DPH6: variants seen among roughly 807,000 people sequenced by gnomAD.
DPH6 encodes the protein diphthamine biosynthesis 6.
In DPH6, 33 loss-of-function variants were observed where a neutral mutation model predicts 38.2. The observed-to-expected ratio is 0.86, with a 90% CI of 0.65 to 1.15. The LOEUF (loss-of-function observed/expected upper bound fraction) is 1.15. DPH6 is among the 50% of genes most tolerant of loss of function. DPH6 has a pLI of 0.00. For synonymous variants in DPH6, 108 were observed against 103.0 expected (o/e 1.05, Z -0.30); for missense variants, 325 against 320.0 (o/e 1.02, Z -0.12).
At chr15:35,523,360 G>A (rs922528896) in intron 3 of DPH6, among the ~76,000 whole-genome samples, 1 of 148,994 alleles carries the variant, frequency 6.7e-6, no homozygotes, top group African/African-American at 2.5e-5. Context: ...AAAAATTAGT[G>A]AGGAATTCCC....
chr15:35,434,276 T>G (rs2053668389), intron 5 of DPH6, among the ~76,000 whole-genome samples: 3 of 152,314 alleles, frequency 2.0e-5, no homozygotes, highest in East Asian at 1.9e-4. Flanking sequence ...AAAAAGGGAC[T>G]ATTACAACTT....
chr15:35,232,150 T>G (rs989857248), intron 3 of DPH6, among the ~76,000 whole-genome samples: 2 of 152,160 alleles, frequency 1.3e-5, no homozygotes, highest in Admixed American at 1.3e-4. Flanking sequence ...CAAGGCTCAA[T>G]GTATTGGCTC....
chr15:35,166,662 T>C, the DPH6 span, among the ~76,000 whole-genome samples: 1 of 151,992 alleles, frequency 6.6e-6, no homozygotes, highest in Non-Finnish European at 1.5e-5. Flanking sequence ...ATTAGTGTAG[T>C]AAGAATGCAA....
chr15:35,516,528 C>A (rs984688494), intron 3 of DPH6, among the ~76,000 whole-genome samples: 3 of 152,098 alleles, frequency 2.0e-5, no homozygotes, highest in Non-Finnish European at 4.4e-5. Flanking sequence ...GCAGTGGAAC[C>A]TAGAACAAAG....
In DPH6 at chr15:35,305,028, TC is replaced by T. The variant is rs375322573; in HGVS notation, n.200+68492del. Among the ~76,000 whole-genome samples, 127 of 152,242 alleles carry T rather than the reference TC, an allele frequency of 8.3e-4. 1 individual carries two copies. The highest frequency in any genetic ancestry group is 8.1e-3 in the South Asian group (39 of 4,824). On this transcript the variant is annotated intron_variant and non_coding_transcript_variant, in intron 3 of 3. Transcript: ENST00000560386. ...CATCTTCACATGACAGCAAGGGAGA[TC>T]TCCTTGTATGGTATGGTGAATACAA... is the stretch of plus-strand genomic sequence containing the variant.
intron 3 of DPH6, among the ~76,000 whole-genome samples, chr15:35,258,716 A>G (rs144980201): frequency 3.2e-4 from 49 of 152,220 alleles, no homozygotes; most frequent in South Asian, 1.5e-3. Flanking sequence ...TTGAACATTT[A>G]TCCTTTATAA....
intron 3 of DPH6, among the ~76,000 whole-genome samples, chr15:35,297,616 A>G (rs1167207360): frequency 2.0e-5 from 3 of 151,746 alleles, no homozygotes; most frequent in African/African-American, 4.8e-5. Context: ...TCACTTCTCT[A>G]TCTTTTCTCT....
intron 3 of DPH6, among the ~76,000 whole-genome samples, chr15:35,468,805 T>C (rs1470003328): frequency 3.3e-5 from 5 of 152,118 alleles, no homozygotes; most frequent in African/African-American, 9.7e-5. Flanking sequence ...CGGTGGCTCA[T>C]GCCAGTAATC....
chr15:35,322,028 G>T (rs576750626), intron 3 of DPH6, among the ~76,000 whole-genome samples: 54 of 152,274 alleles, frequency 3.5e-4, no homozygotes, highest in African/African-American at 1.3e-3. Flanking sequence ...TCACAAGGGT[G>T]TAGAAAATAG....
At chr15:35,216,808 A>T (rs2051412750), downstream of DPH6, among the ~76,000 whole-genome samples, 1 of 152,224 alleles carries the variant, frequency 6.6e-6, no homozygotes, top group Non-Finnish European at 1.5e-5. Flanking sequence ...GATCAATCAA[A>T]AAACAAGTTG....
chr15:35,168,643 C>A, the DPH6 span, among the ~76,000 whole-genome samples: 2 of 151,918 alleles, frequency 1.3e-5, no homozygotes, highest in Admixed American at 6.6e-5. Context: ...CCTCTTCCCC[C>A]GAAAACTGCA....
intron 3 of DPH6, among the ~76,000 whole-genome samples, chr15:35,309,674 G>T (rs568261336): frequency 7.4e-4 from 112 of 152,280 alleles, no homozygotes; most frequent in African/African-American, 2.7e-3. Flanking sequence ...TCATTTCTTT[G>T]ATGAAATTTC....
intron 5 of DPH6, among the ~76,000 whole-genome samples, chr15:35,448,059 G>A (rs1396047017): frequency 6.6e-6 from 1 of 151,832 alleles, no homozygotes; most frequent in Non-Finnish European, 1.5e-5. Flanking sequence ...CCAGTAATAG[G>A]TAAAAGTGGT....
chr15:35,322,532 T>C (rs1380111350), intron 3 of DPH6, among the ~76,000 whole-genome samples: 1 of 152,210 alleles, frequency 6.6e-6, no homozygotes, highest in Non-Finnish European at 1.5e-5. Flanking sequence ...TTTTTGGTCA[T>C]GTCATATCTA....
At chr15:35,310,177 G>A (rs1319439226) in intron 3 of DPH6, among the ~76,000 whole-genome samples, 1 of 152,100 alleles carries the variant, frequency 6.6e-6, no homozygotes, top group African/African-American at 2.4e-5. Flanking sequence ...GAACGAGAAT[G>A]GATATTCTTT....
intron 3 of DPH6, among the ~76,000 whole-genome samples, chr15:35,524,982 G>A (rs2054976767): frequency 6.6e-6 from 1 of 152,058 alleles, no homozygotes; most frequent in Admixed American, 6.6e-5. Flanking sequence ...ATCATCTCTG[G>A]AGGAAATACA....
chr15:35,521,199 A>G, intron 3 of DPH6: 1 of 985,348 alleles, frequency 1.0e-6, no homozygotes, highest in Non-Finnish European at 1.2e-6. Context: ...TAAATTATTA[A>G]TTTATGGGTT....
At chr15:35,421,937 T>C (rs1483078207) in intron 5 of DPH6, among the ~76,000 whole-genome samples, 1 of 151,958 alleles carries the variant, frequency 6.6e-6, no homozygotes, top group African/African-American at 2.4e-5. Flanking sequence ...AGAGAGGATG[T>C]AATAGACAAA....
chr15:35,272,359 G>C (rs190719204), intron 3 of DPH6, among the ~76,000 whole-genome samples: 98 of 152,266 alleles, frequency 6.4e-4, no homozygotes, highest in African/African-American at 2.2e-3. Context: ...ACTAAGGAAA[G>C]ACTTTATATC....
Sources: gnomAD v4.1 joint callset for allele counts (sites outside exome capture counted in the v4.1 genomes callset) on GRCh38, gnomAD v4.1.1 for gene constraint, MANE v1.5 for transcripts, NCBI Gene and HGNC (gene_info 2026-07-23, HGNC 2026-07-21) for gene names.